Variants in SRBD1 observed in about 807,000 individuals in gnomAD.
The protein encoded by SRBD1 is S1 RNA binding domain 1, also known as S1 RNA-binding domain-containing protein 1.
A neutral mutation model predicts 115.3 loss-of-function variants in SRBD1; 88 were observed. The observed-to-expected ratio is 0.76, with a 90% confidence interval of 0.64 to 0.91. The LOEUF (loss-of-function observed/expected upper bound fraction) is 0.91, where lower values mean the gene tolerates loss of function less well. SRBD1 is among the 40% of genes least tolerant of loss of function. The pLI, the probability that SRBD1 is intolerant of heterozygous loss-of-function variation, is 0.00. For missense variants in SRBD1, 1,385 were observed against 1,177.4 expected (o/e 1.18, Z -2.58); for synonymous variants, 509 against 407.7 (o/e 1.25, Z -2.99).
intron 14 of SRBD1, among the ~76,000 whole-genome samples, chr2:45,500,659 G>A (rs575272124): frequency 5.9e-5 from 9 of 152,114 alleles, no homozygotes; most frequent in South Asian, 2.1e-4. Flanking sequence ...CAAGCAATCC[G>A]CCCGTTTCGG....
At chr2:45,415,490 G>A (rs1278887381) in intron 18 of SRBD1, among the ~76,000 whole-genome samples, 4 of 145,192 alleles carry the variant, frequency 2.8e-5, no homozygotes, top group African/African-American at 2.5e-5. Flanking sequence ...TATATATGGA[G>A]GAGTGTGTAT....
chr2:45,475,006 G>A (rs1439424540), intron 16 of SRBD1, among the ~76,000 whole-genome samples: 1 of 152,200 alleles, frequency 6.6e-6, no homozygotes, highest in South Asian at 2.1e-4. Flanking sequence ...TTGCTGAACA[G>A]TGAGTAGTCC....
chr2:45,548,517 T>C (rs1257778510), intron 12 of SRBD1, among the ~76,000 whole-genome samples: 1 of 152,130 alleles, frequency 6.6e-6, no homozygotes, highest in Admixed American at 6.5e-5. Flanking sequence ...ATAGATGTGT[T>C]TGTGACATTT....
intron 19 of SRBD1, 120 bp from the exon 20 acceptor site, chr2:45,393,249 A>G (rs1480879861): frequency 9.9e-7 from 1 of 1,014,810 alleles, no homozygotes; most frequent in Non-Finnish European, 1.4e-6. Context: ...ATCAGTCTTT[A>G]TTGAGAATCT....
chr2:45,610,692 T>G (rs1674418207), intron 1 of SRBD1, among the ~76,000 whole-genome samples: 1 of 152,156 alleles, frequency 6.6e-6, no homozygotes, highest in Admixed American at 6.5e-5. Flanking sequence ...AAGGTGCAGT[T>G]GATTCAGACA....
chr2:45,547,624 GAA>G lies in SRBD1; in HGVS notation c.1676-14_1676-13del. On this transcript the variant is annotated splice_polypyrimidine_tract_variant and intron_variant, in intron 12 of 20. Coordinates refer to ENST00000263736, the MANE Select transcript of SRBD1 (RefSeq NM_018079.5). ...ATGAAGTATCTGACCTTTAAAAAAT[GAA>G]AAGAATAAGCCATTTTATAAGAAAT... 1 of 1,599,572 alleles carries G rather than the reference GAA, an allele frequency of 6.3e-7. No homozygotes were observed. Among genetic ancestry groups the G allele is most frequent in the Non-Finnish European group, 8.5e-7 (1 of 1,173,296 alleles).
intron 10 of SRBD1, among the ~76,000 whole-genome samples, chr2:45,560,946 A>T (rs896365431): frequency 3.3e-5 from 3 of 92,250 alleles, no homozygotes; most frequent in African/African-American, 9.6e-5. Flanking sequence ...TCTCTTAAAT[A>T]AAAAAAAAAA....
At chr2:45,545,302 A>C (rs1203799030) in intron 14 of SRBD1, among the ~76,000 whole-genome samples, 9 of 149,010 alleles carry the variant, frequency 6.0e-5, no homozygotes, top group South Asian at 2.1e-4. Flanking sequence ...AAAAAAAAAA[A>C]AAAAAAAAAA....
At chr2:45,489,115 C>T (rs147400410) in intron 14 of SRBD1, among the ~76,000 whole-genome samples, 2 of 152,154 alleles carry the variant, frequency 1.3e-5, no homozygotes, top group Non-Finnish European at 2.9e-5. Context: ...CCATTTTGTA[C>T]AGCTTATGAA....
intron 14 of SRBD1, among the ~76,000 whole-genome samples, chr2:45,499,384 T>A (rs369841159): frequency 6.6e-6 from 1 of 152,216 alleles, no homozygotes; most frequent in Non-Finnish European, 1.5e-5. Flanking sequence ...TTTCACTTCC[T>A]TATATGTTCT....
At chr2:45,494,453 T>C (rs1488156314) in intron 14 of SRBD1, among the ~76,000 whole-genome samples, 1 of 152,096 alleles carries the variant, frequency 6.6e-6, no homozygotes, top group African/African-American at 2.4e-5. Flanking sequence ...ATCATTTGTT[T>C]GTAGAAGATC....
In SRBD1 at chr2:45,551,232, C is replaced by T. The variant is rs774297462; in HGVS notation, c.1568G>A (p.Arg523Gln). The part of the protein sequence containing the change: ...AEKESVMMFG[R>Q]NLRQLLLTSP... The stretch of plus-strand genomic sequence containing the variant: ...TGTTAAAAGGAGCTGACGAAGGTTC[C>T]GTCCAAACATCATTACTGATTCCTT... The change falls in exon 12 of 21, where the codon CGG becomes CAG. Residue 523 changes from arginine to glutamine, a missense_variant. Physicochemically the swap from Arg to Gln is conservative, Grantham distance 43. Transcript: ENST00000263736. 85 of 1,612,330 alleles carry T rather than the reference C, an allele frequency of 5.3e-5. No homozygotes were observed. Among genetic ancestry groups the T allele is most frequent in the Non-Finnish European group, 3.8e-5 (45 of 1,179,702 alleles).
At chr2:45,585,988 C>T (rs188259476) in intron 4 of SRBD1, among the ~76,000 whole-genome samples, 1 of 152,092 alleles carries the variant, frequency 6.6e-6, no homozygotes, top group Non-Finnish European at 1.5e-5. Context: ...AAATCTAATC[C>T]AAACCACTGT....
chr2:45,469,362 G>A (rs1351980383), intron 16 of SRBD1, among the ~76,000 whole-genome samples: 2 of 152,138 alleles, frequency 1.3e-5, no homozygotes, highest in African/African-American at 4.8e-5. Context: ...ACTAGAAGGT[G>A]AACTTGAAAC....
At chr2:45,530,310 T>C (rs1410229758) in intron 14 of SRBD1, among the ~76,000 whole-genome samples, 1 of 152,066 alleles carries the variant, frequency 6.6e-6, no homozygotes, top group Non-Finnish European at 1.5e-5. Context: ...AGCTTTGGAC[T>C]AGCCTGTAAT....
rs865989610 is a variant in SRBD1, at chr2:45,431,714, C to T, written c.2050-11820G>A. On this transcript the variant is annotated intron_variant, in intron 16 of 20. Transcript: ENST00000263736. ...ATGGGTGCAGCGAACCACTATGGCACGTGTATACCTATGTATCAAACCTGC... is the reference window on the plus strand; with the variant it reads ...ATGGGTGCAGCGAACCACTATGGCATGTGTATACCTATGTATCAAACCTGC... Among the ~76,000 whole-genome samples the T allele has an allele frequency of 5.9e-5, 9 of 152,072 alleles. No homozygotes were observed. The South Asian group carries it at 1.2e-3, about 21-fold the overall frequency.
chr2:45,593,974 G>A (rs1673808331), intron 4 of SRBD1, among the ~76,000 whole-genome samples: 1 of 152,128 alleles, frequency 6.6e-6, no homozygotes, highest in African/African-American at 2.4e-5. Flanking sequence ...GAACATCTCT[G>A]AGCTGTACAT....
chr2:45,477,410 G>A (rs1264220367), intron 15 of SRBD1, among the ~76,000 whole-genome samples: 1 of 152,116 alleles, frequency 6.6e-6, no homozygotes, highest in Non-Finnish European at 1.5e-5. Context: ...AAGCATAATA[G>A]GATACCTCAT....
chr2:45,431,920 C>T lies in SRBD1; in HGVS notation c.2050-12026G>A, dbSNP rs1668349805. On this transcript the variant is annotated intron_variant, in intron 16 of 20. Transcript: ENST00000263736. ...TATGTAATAGAAACTTCTGTAAACGCTGCCGTCAGGTCAGCTGTAAATATA... is the reference window on the plus strand; with the variant it reads ...TATGTAATAGAAACTTCTGTAAACGTTGCCGTCAGGTCAGCTGTAAATATA... Among the ~76,000 whole-genome samples, 3 of 152,296 alleles carry T rather than the reference C, an allele frequency of 2.0e-5. No homozygotes were observed. The South Asian group carries it at 6.2e-4, about 32-fold the overall frequency.
Sources: gnomAD v4.1 joint callset for allele counts (sites outside exome capture counted in the v4.1 genomes callset) on GRCh38, gnomAD v4.1.1 for gene constraint, MANE v1.5 for transcripts, NCBI Gene and HGNC (gene_info 2026-07-23, HGNC 2026-07-21) for gene names.